ENOX1: variants seen among roughly 807,000 people sequenced by gnomAD.
The protein encoded by ENOX1 is ecto-NOX disulfide-thiol exchanger 1.
ENOX1 carries 42 observed loss-of-function variants against 82.5 expected under a neutral mutation model. The observed-to-expected ratio is 0.51, with a 90% CI of 0.40 to 0.66. The LOEUF is 0.66. Ranked by LOEUF, ENOX1 falls within the 30% of genes least tolerant of loss-of-function variation. The pLI is 0.00. For synonymous variants in ENOX1, 271 were observed against 282.2 expected (o/e 0.96, Z 0.40); for missense variants, 608 against 811.6 (o/e 0.75, Z 3.05).
At chr13:43,365,090 C>T (rs1594160334) in intron 5 of ENOX1, among the ~76,000 whole-genome samples, 1 of 152,176 alleles carries the variant, frequency 6.6e-6, no homozygotes, top group African/African-American at 2.4e-5. Flanking sequence ...GCCAGGGCTC[C>T]GGTGCCTGGG....
chr13:43,253,251 C>T (rs1444625143), intron 14 of ENOX1, among the ~76,000 whole-genome samples: 2 of 151,952 alleles, frequency 1.3e-5, no homozygotes, highest in Non-Finnish European at 2.9e-5. Flanking sequence ...GACACTTAGG[C>T]AGCTCTTCCT....
chr13:43,482,772 G>A (rs1385688770), intron 3 of ENOX1, among the ~76,000 whole-genome samples: 1 of 152,128 alleles, frequency 6.6e-6, no homozygotes, highest in Non-Finnish European at 1.5e-5. Context: ...CTAGGGAGGA[G>A]CATTTAGGTA....
At chr13:43,640,976 A>G (rs2083621802) in intron 2 of ENOX1, among the ~76,000 whole-genome samples, 1 of 152,034 alleles carries the variant, frequency 6.6e-6, no homozygotes, top group Non-Finnish European at 1.5e-5. Flanking sequence ...AAAACATAGA[A>G]CAATCTTTCA....
intron 2 of ENOX1, among the ~76,000 whole-genome samples, chr13:43,598,339 T>C (rs2081558093): frequency 6.6e-6 from 1 of 152,214 alleles, no homozygotes. Flanking sequence ...CACAGAACCT[T>C]AGTGCTTGGC....
chr13:43,423,153 C>T (rs2055075443), intron 3 of ENOX1, among the ~76,000 whole-genome samples: 1 of 152,126 alleles, frequency 6.6e-6, no homozygotes, highest in South Asian at 2.1e-4. Context: ...AAAAGGGCAA[C>T]ATTAGACTTG....
rs1218102394 is a variant in ENOX1 at position 43,617,444 on chromosome 13, G to A, written c.-219+50035C>T. Among the ~76,000 whole-genome samples the A allele has an allele frequency of 3.3e-5, 5 of 152,154 alleles. No individual in the cohort carries two copies. The East Asian group carries it at 7.7e-4, about 23-fold the overall frequency. ...CAATTTCACTTTTAAAACATCATTT[G>A]CTAATTTGAGAGACAAAAAAGTCTG... On this transcript the variant is annotated intron_variant, in intron 2 of 16. Coordinates refer to ENST00000690772, the MANE Select transcript of ENOX1 (RefSeq NM_001347969.2).
intron 15 of ENOX1, among the ~76,000 whole-genome samples, chr13:43,229,507 G>A (rs2084005): frequency 0.78 from 118,889 of 152,176 alleles, 47,055 homozygotes; most frequent in South Asian, 0.86. Flanking sequence ...GCCAGATCAC[G>A]CAGGACCTTG....
rs3043205 is a variant in ENOX1 at position 43,213,544 on chromosome 13, C to CTTTTT, written c.*441_*445dup. ...TTTTTCTTTTTTTCTTTTTCTTTTT[C>CTTTTT]TTTTTTTTTTTTTTTTTTTTTTTAC... On this transcript the variant is annotated 3_prime_UTR_variant, in exon 17 of 17. Transcript: ENST00000690772. The CTTTTT allele has an allele frequency of 2.5e-3, 207 of 83,832 alleles. No homozygotes were observed. The highest frequency in any genetic ancestry group is 9.4e-3 in the Middle Eastern group (1 of 106). The allele number at this position is 83,832 out of a possible 1,614,324, so 5.2% of individuals were successfully genotyped here.
At chr13:43,474,834 T>A (rs907722410) in intron 3 of ENOX1, among the ~76,000 whole-genome samples, 3 of 152,018 alleles carry the variant, frequency 2.0e-5, no homozygotes, top group Admixed American at 1.3e-4. Context: ...AAAACAAATA[T>A]AGAGTGATTT....
chr13:43,785,590 T>C (rs1952526513), intron 1 of ENOX1, among the ~76,000 whole-genome samples: 1 of 151,926 alleles, frequency 6.6e-6, no homozygotes, highest in South Asian at 2.1e-4. Context: ...CAGTGAAAGA[T>C]TGAGGGAGAG....
chr13:43,324,693 C>T (rs1350654119), intron 10 of ENOX1, among the ~76,000 whole-genome samples: 2 of 152,146 alleles, frequency 1.3e-5, no homozygotes, highest in African/African-American at 2.4e-5. Context: ...CAGCTGCACT[C>T]CATCTGTCCT....
At chr13:43,550,598 A>C (rs943379465) in intron 2 of ENOX1, among the ~76,000 whole-genome samples, 2 of 152,154 alleles carry the variant, frequency 1.3e-5, no homozygotes, top group Non-Finnish European at 2.9e-5. Flanking sequence ...ATAAGATGTG[A>C]CTGCACTGCT....
chr13:43,489,527 T>A (rs1593457473), intron 2 of ENOX1, among the ~76,000 whole-genome samples: 1 of 152,138 alleles, frequency 6.6e-6, no homozygotes, highest in East Asian at 1.9e-4. Flanking sequence ...GACCCTTCAC[T>A]AGTGCAATGA....
chr13:43,595,690 A>C (rs1225992612), intron 2 of ENOX1, among the ~76,000 whole-genome samples: 1 of 152,224 alleles, frequency 6.6e-6, no homozygotes, highest in Non-Finnish European at 1.5e-5. Flanking sequence ...GATTTATCCT[A>C]TAAAATTAAA....
intron 2 of ENOX1, among the ~76,000 whole-genome samples, chr13:43,554,878 C>A (rs1317708728): frequency 6.6e-6 from 1 of 152,152 alleles, no homozygotes; most frequent in Non-Finnish European, 1.5e-5. Context: ...CGGTGCCTGG[C>A]CCTAACCAGG....
At chr13:43,509,344 T>C (rs1295223527) in intron 2 of ENOX1, among the ~76,000 whole-genome samples, 1 of 152,050 alleles carries the variant, frequency 6.6e-6, no homozygotes, top group Non-Finnish European at 1.5e-5. Flanking sequence ...ATTGCAGCCA[T>C]CCTGAAATAC....
intron 5 of ENOX1, among the ~76,000 whole-genome samples, chr13:43,407,855 AAC>A (rs1334842983): frequency 2.6e-5 from 4 of 152,174 alleles, no homozygotes; most frequent in Non-Finnish European, 4.4e-5. Flanking sequence ...ATTGACAACA[AAC>A]ACAAATCAAA....
chr13:43,527,830 C>T lies in ENOX1; in HGVS notation c.-218-43678G>A, dbSNP rs2078048671. ...TTTTCTGCTTCTGCTGTTTCAGTCT[C>T]ATTAAGACTATGTTTCTGCTTTCTT... On this transcript the variant is annotated intron_variant, in intron 2 of 16. Coordinates refer to ENST00000690772, the MANE Select transcript of ENOX1 (RefSeq NM_001347969.2). Among the ~76,000 whole-genome samples, 3 of 152,244 alleles carry T rather than the reference C, an allele frequency of 2.0e-5. No individual in the cohort carries two copies. In the South Asian group the frequency reaches 6.2e-4, roughly 32 times the overall value.
chr13:43,260,134 C>T (rs17538444), intron 14 of ENOX1, among the ~76,000 whole-genome samples: 7,752 of 152,296 alleles, frequency 0.051, 236 homozygotes, highest in Non-Finnish European at 0.066. Context: ...TGATAGCCTT[C>T]TGCTGTGCTG....
Sources: allele counts gnomAD v4.1 joint callset (sites outside exome capture counted in the v4.1 genomes callset), GRCh38; gene constraint gnomAD v4.1.1; transcripts MANE v1.5; gene names NCBI Gene and HGNC (gene_info 2026-07-23, HGNC 2026-07-21).